The following SPAG16 variants were observed in gnomAD, a reference collection of about 807,000 sequenced individuals.
The protein encoded by SPAG16 is sperm-associated antigen 16 protein.
SPAG16 carries 86 observed loss-of-function variants against 80.4 expected under a neutral mutation model. The ratio of observed to expected loss-of-function variants is 1.07; its 90% confidence interval spans 0.90 to 1.28. The LOEUF (loss-of-function observed/expected upper bound fraction) is 1.28. SPAG16 is among the 50% of genes most tolerant of loss of function. The pLI, the probability that SPAG16 is intolerant of heterozygous loss-of-function variation, is 0.00. For missense variants in SPAG16, 870 were observed against 765.3 expected (o/e 1.14, Z -1.61); for synonymous variants, 294 against 265.9 (o/e 1.11, Z -1.03).
At chr2:214,087,830 GAAGCTGAATAAAAATA>G (rs2051883478) in intron 13 of SPAG16, among the ~76,000 whole-genome samples, 1 of 151,876 alleles carries the variant, frequency 6.6e-6, no homozygotes, top group Non-Finnish European at 1.5e-5. Context: ...CCCTTTTTTG[GAAGCTGAATAAAAATA>G]AAACACATAT....
chr2:214,221,434 TAAAGAA>T (rs1476417933), intron 15 of SPAG16, among the ~76,000 whole-genome samples: 2 of 152,128 alleles, frequency 1.3e-5, no homozygotes, highest in Non-Finnish European at 2.9e-5. Context: ...TTACTCAAGA[TAAAGAA>T]AGACATAGAC....
intron 10 of SPAG16, among the ~76,000 whole-genome samples, chr2:213,711,383 G>A (rs900772066): frequency 1.2e-4 from 18 of 152,014 alleles, no homozygotes; most frequent in Non-Finnish European, 1.9e-4. Context: ...TACATAAGAC[G>A]TTAAAAGTAA....
At chr2:213,468,401 ATC>A (rs1323905397) in intron 9 of SPAG16, among the ~76,000 whole-genome samples, 1 of 144,926 alleles carries the variant, frequency 6.9e-6, no homozygotes, top group Non-Finnish European at 1.5e-5. Context: ...ATATATATAT[ATC>A]TATGTATTTA....
intron 9 of SPAG16, among the ~76,000 whole-genome samples, chr2:213,450,352 C>T (rs2071611968): frequency 6.6e-6 from 1 of 152,092 alleles, no homozygotes; most frequent in Non-Finnish European, 1.5e-5. Context: ...TGTTTATTGA[C>T]ATTTGCTTCT....
chr2:214,387,132 G>T (rs999255657), intron 15 of SPAG16, among the ~76,000 whole-genome samples: 5 of 151,968 alleles, frequency 3.3e-5, no homozygotes, highest in African/African-American at 1.2e-4. Flanking sequence ...TAGCTCAAAG[G>T]TCATCTCCTC....
chr2:213,905,224 C>T (rs986994897), intron 11 of SPAG16, among the ~76,000 whole-genome samples: 10 of 152,050 alleles, frequency 6.6e-5, no homozygotes, highest in Non-Finnish European at 1.3e-4. Context: ...TCATTAAATT[C>T]ATTTATGTCA....
At chr2:213,590,488 G>C (rs995699848) in intron 10 of SPAG16, among the ~76,000 whole-genome samples, 1 of 148,668 alleles carries the variant, frequency 6.7e-6, no homozygotes, top group African/African-American at 2.5e-5. Flanking sequence ...AGTGGGCAAA[G>C]GACATAAACA....
chr2:213,858,771 T>C (rs1360274034), intron 10 of SPAG16, among the ~76,000 whole-genome samples: 1 of 152,144 alleles, frequency 6.6e-6, no homozygotes, highest in African/African-American at 2.4e-5. Context: ...AACAGAATGG[T>C]CGAAGGTGAG....
At chr2:213,694,422 C>G (rs1477360584) in intron 10 of SPAG16, among the ~76,000 whole-genome samples, 2 of 152,178 alleles carry the variant, frequency 1.3e-5, no homozygotes, top group African/African-American at 4.8e-5. Context: ...TTAATTAACA[C>G]TATCATTCAT....
chr2:214,211,973 CTT>C (rs1479776199), intron 15 of SPAG16, among the ~76,000 whole-genome samples: 1 of 152,174 alleles, frequency 6.6e-6, no homozygotes, highest in African/African-American at 2.4e-5. Flanking sequence ...TACTGTGACA[CTT>C]GGTGCCTATT....
intron 11 of SPAG16, among the ~76,000 whole-genome samples, chr2:213,907,272 GA>G (rs2077469131): frequency 6.6e-6 from 1 of 152,104 alleles, no homozygotes; most frequent in African/African-American, 2.4e-5. Context: ...GATAGCATAT[GA>G]AAAGATTCTC....
rs2075345779 is a variant in SPAG16, at chr2:213,859,903, G to A, written c.1071-2582G>A. On this transcript the variant is annotated intron_variant, in intron 10 of 15. Transcript: ENST00000331683. ...CAGATATGAACCCCAGCTCTTTTGA[G>A]CTTTCATTTCACTTGTGAGAACTAA... Among the ~76,000 whole-genome samples the A allele has an allele frequency of 3.9e-5, 6 of 152,282 alleles. No individual in the cohort carries two copies. In the South Asian group the frequency reaches 1.2e-3, roughly 32 times the overall value.
At chr2:213,779,482 A>C (rs2069809880) in intron 10 of SPAG16, among the ~76,000 whole-genome samples, 1 of 152,082 alleles carries the variant, frequency 6.6e-6, no homozygotes, top group African/African-American at 2.4e-5. Flanking sequence ...CCTCTTCTAT[A>C]TTTTGGTTTT....
At chr2:213,755,497 G>T (rs2068282727) in intron 10 of SPAG16, among the ~76,000 whole-genome samples, 1 of 152,058 alleles carries the variant, frequency 6.6e-6, no homozygotes, top group African/African-American at 2.4e-5. Flanking sequence ...CAAACACAAA[G>T]TTTAATTCTG....
intron 15 of SPAG16, among the ~76,000 whole-genome samples, chr2:214,166,413 G>A (rs1010233597): frequency 3.3e-5 from 5 of 152,074 alleles, no homozygotes; most frequent in Admixed American, 2.0e-4. Context: ...CTCCCTCCAC[G>A]CCCCCGGGCT....
chr2:213,536,937 G>A lies in SPAG16; in HGVS notation c.1070+46847G>A, dbSNP rs2076271241. Reference sequence around the variant, plus strand: ...CCAAATGTCCAACAATGATAGACTGGATTAAGAAAATGTGGCACATATACA... The same window carrying A: ...CCAAATGTCCAACAATGATAGACTGAATTAAGAAAATGTGGCACATATACA... On this transcript the variant is annotated intron_variant, in intron 10 of 15. Transcript: ENST00000331683. Among the ~76,000 whole-genome samples the A allele has an allele frequency of 3.3e-5, 5 of 151,844 alleles. No homozygotes were observed. The South Asian group carries it at 1.0e-3, about 32-fold the overall frequency.
rs1009624778 is a variant in SPAG16 at position 213,765,617 on chromosome 2, T to G, written c.1071-96868T>G. Among the ~76,000 whole-genome samples, 29 of 152,132 alleles carry G rather than the reference T, an allele frequency of 1.9e-4. 1 individual carries two copies. In the East Asian group the frequency reaches 5.0e-3, roughly 26 times the overall value. On this transcript the variant is annotated intron_variant, in intron 10 of 15. Transcript: ENST00000331683. ...CACGTGTGTGTGTGTGTGTGTGTTA[T>G]TTACTTGTTTCTTCTATCTCAAATT...
In SPAG16 at chr2:213,501,200, T is replaced by C. The variant is rs116795892; in HGVS notation, c.1070+11110T>C. On this transcript the variant is annotated intron_variant, in intron 10 of 15. Transcript: ENST00000331683. Reference sequence around the variant, plus strand: ...TTGTTTCTGCAATAATTCTTGCAGATGCCATTGACAAGTTTTATAACTTTC... The same window carrying C: ...TTGTTTCTGCAATAATTCTTGCAGACGCCATTGACAAGTTTTATAACTTTC... 7.9e-4 allele frequency among the ~76,000 whole-genome samples: 121 copies of C among 152,348 alleles called. 2 individuals are homozygous for C. Among genetic ancestry groups the C allele is most frequent in the Middle Eastern group, 3.4e-3 (1 of 294 alleles).
intron 10 of SPAG16, among the ~76,000 whole-genome samples, chr2:213,592,994 C>A (rs2060757351): frequency 6.6e-6 from 1 of 152,118 alleles, no homozygotes; most frequent in Non-Finnish European, 1.5e-5. Context: ...ACCCCCACCC[C>A]ACCAACACCA....
Sources: gnomAD v4.1 joint callset for allele counts (sites outside exome capture counted in the v4.1 genomes callset) on GRCh38, gnomAD v4.1.1 for gene constraint, MANE v1.5 for transcripts, NCBI Gene and HGNC (gene_info 2026-07-23, HGNC 2026-07-21) for gene names.